ZNF396: variants seen among roughly 807,000 people sequenced by gnomAD.
The protein encoded by ZNF396 is zinc finger and SCAN domain-containing protein 14.
ZNF396 carries 14 observed loss-of-function variants against 20.5 expected under a neutral mutation model. The ratio of observed to expected loss-of-function variants is 0.68; its 90% CI spans 0.45 to 1.07. The LOEUF is 1.07. Among genes scored for constraint, ZNF396 ranks in the 50% least tolerant of loss-of-function variants. ZNF396 has a pLI of 0.00. For missense variants in ZNF396, 347 were observed against 390.1 expected (o/e 0.89, Z 0.93); for synonymous variants, 119 against 140.6 (o/e 0.85, Z 1.08).
intron 1 of ZNF396, among the ~76,000 whole-genome samples, chr18:35,376,546 C>T (rs1281235335): frequency 6.6e-6 from 1 of 152,122 alleles, no homozygotes; most frequent in East Asian, 1.9e-4. Context: ...GTGACCCCTG[C>T]GCGTTGTCTC....
rs150745506 is a variant in ZNF396, at chr18:35,374,079, G to A, written c.214C>T (p.Arg72Trp). 4.9e-5 allele frequency: 79 copies of A among 1,614,210 alleles called. No homozygotes were observed. Among genetic ancestry groups the A allele is most frequent in the African/African-American group, 3.7e-4 (28 of 75,038 alleles). The stretch of plus-strand genomic sequence containing the variant: ...CAGAGATGACAAAGTTCCCAGAGCC[G>A]GCTCAGAGCCTCATGGGGCCCAGGT... The part of the protein sequence containing the change: ...DSPGPHEALS[R>W]LWELCHLWLR... Residue 72 changes from arginine to tryptophan, a missense_variant, in exon 2 of 4, where the codon CGG becomes TGG. Coordinates refer to ENST00000589332, the MANE Select transcript of ZNF396 (RefSeq NM_001322286.2). The surrounding 1 kb of genome is among the most constrained non-coding windows in gnomAD (Gnocchi z 4.3).
rs767170622 is a variant in ZNF396 at position 35,369,572 on chromosome 18, G to A, written c.651C>T (p.Ile217=). The change falls in exon 4 of 4, where the codon ATC becomes ATT. Residue 217 remains isoleucine, a synonymous_variant. Coordinates refer to ENST00000589332, the MANE Select transcript of ZNF396 (RefSeq NM_001322286.2). ...AACTCTGGGAGCCATTCATATGAAG[G>A]ATATTGGAAACATTGCAATGCAGTT... ...GIELHCNVSN[I]LHMNGSQSST... 5.0e-6 allele frequency: 8 copies of A among 1,614,110 alleles called. No homozygotes were observed. The highest frequency in any genetic ancestry group is 6.8e-6 in the Non-Finnish European group (8 of 1,179,962).
rs1372994399 is a variant in ZNF396 at position 35,368,130 on chromosome 18, G to A, written c.*1085C>T. The A allele has an allele frequency of 7.2e-6, 2 of 277,438 alleles. No individual in the cohort carries two copies. The highest frequency in any genetic ancestry group is 1.3e-5 in the Non-Finnish European group (2 of 149,568). The allele number at this position is 277,438 out of a possible 1,614,324, so 17.2% of individuals were successfully genotyped here. A position where few individuals can be genotyped will look rare whatever the true frequency, so the allele number is the denominator to read the frequency against. ...CATCTCCCTTTTTTCTTTATATTAA[G>A]ATGATCATCCATCTTACAGAAGCAC... On this transcript the variant is annotated 3_prime_UTR_variant, in exon 4 of 4. Coordinates refer to ENST00000589332, the MANE Select transcript of ZNF396 (RefSeq NM_001322286.2).
intron 3 of ZNF396, chr18:35,371,702 A>T (rs777065675): frequency 2.0e-5 from 3 of 152,240 alleles, no homozygotes; most frequent in Non-Finnish European, 4.4e-5. Flanking sequence ...TTATGAGGGC[A>T]GGGGTGATAA....
intron 2 of ZNF396, 90 bp downstream of exon 2, chr18:35,373,786 T>G: frequency 6.6e-7 from 1 of 1,526,582 alleles, no homozygotes; most frequent in Non-Finnish European, 8.8e-7. Context: ...TTGTGCTGAG[T>G]GGGAATACAG....
intron 3 of ZNF396, among the ~76,000 whole-genome samples, chr18:35,371,000 G>A (rs1343395879): frequency 6.6e-6 from 1 of 152,206 alleles, no homozygotes; most frequent in African/African-American, 2.4e-5. Context: ...AGGTACTGAT[G>A]ATAAGTGATT....
intron 3 of ZNF396, among the ~76,000 whole-genome samples, chr18:35,370,703 C>T (rs562441099): frequency 7.9e-5 from 12 of 151,042 alleles, no homozygotes; most frequent in Non-Finnish European, 1.6e-4. Context: ...TTAGTAGAGA[C>T]GGGGTTTCAC....
Position 35,369,508 on chromosome 18 carries a change from C to G in ZNF396, c.715G>C (p.Glu239Gln). The change falls in exon 4 of 4, where the codon GAA (glutamate) becomes CAA (glutamine). Residue 239 changes from glutamate (E) to glutamine (Q), a missense_variant. Physicochemically the swap from Glu to Gln is conservative, Grantham distance 29 (BLOSUM62 2). Coordinates refer to ENST00000589332, the MANE Select transcript of ZNF396 (RefSeq NM_001322286.2). The stretch of plus-strand genomic sequence containing the variant: ...CAAGAAGGGTTTCCTTGTCTCTTTT[C>G]AAACCTACCATCTTGTTCATAGGTT... ...RGTYEQDGRF[E>Q]KRQGNPSWKK... 1 of 1,614,088 alleles carries G rather than the reference C, an allele frequency of 6.2e-7. No individual in the cohort carries two copies. Among genetic ancestry groups the G allele is most frequent in the Non-Finnish European group, 8.5e-7 (1 of 1,179,954 alleles).
At chr18:35,373,215 T>A in intron 3 of ZNF396, 1 of 491,842 alleles carries the variant, frequency 2.0e-6, no homozygotes. Flanking sequence ...TAAAAAGGCA[T>A]GAAAACCCTG....
rs1567956742 is a variant in ZNF396, at chr18:35,374,060, T to TG, written c.232dup (p.His78ProfsTer58). 6.2e-7 allele frequency: 1 copy of TG among 1,614,208 alleles called. No homozygotes were observed. Among genetic ancestry groups the TG allele is most frequent in the South Asian group, 1.1e-5 (1 of 91,086 alleles). ...GTGCACTTCCGGCCTCAGCCAGAGA[T>TG]GACAAAGTTCCCAGAGCCGGCTCAG... is the stretch of plus-strand genomic sequence containing the variant. On this transcript the variant is annotated frameshift_variant, in exon 2 of 4. Coordinates refer to ENST00000589332, the MANE Select transcript of ZNF396 (RefSeq NM_001322286.2). LOFTEE classifies it high-confidence loss of function. This position sits in a 1 kb window ranked among gnomAD's most constrained non-coding sequence, Gnocchi z 4.3.
At position 35,373,990 on chromosome 18, in the gene ZNF396, C is replaced by T. The variant is rs1395886013; in HGVS notation, c.303G>A (p.Leu101=). The change falls in exon 2 of 4, where the codon CTG becomes CTA. Residue 101 remains leucine (L), a synonymous_variant. Coordinates refer to ENST00000589332, the MANE Select transcript of ZNF396 (RefSeq NM_001322286.2). ...CCTGAAGCTCTTTTGGGAGGATGGC[C>T]AGGAACTGCTCCAGCACCAGCAGCT... ...ILELLVLEQF[L]AILPKELQAW... 1 of 1,614,240 alleles carries T rather than the reference C, an allele frequency of 6.2e-7. No individual in the cohort carries two copies. The highest frequency in any genetic ancestry group is 1.1e-5 in the South Asian group (1 of 91,088).
At position 35,372,546 on chromosome 18, in the gene ZNF396, A is replaced by C. The variant is rs377116130; in HGVS notation, c.562+910T>G. 5.3e-5 allele frequency: 8 copies of C among 152,260 alleles called. 1 individual carries two copies. 9.4% of individuals were successfully genotyped at this position (152,260 alleles called of 1,614,324 possible). The stretch of plus-strand genomic sequence containing the variant: ...GAACTATGGAAGCAGTGCTGGAGAG[A>C]AGGAAGGAGATGCTCCCAAGTAGGA... On this transcript the variant is annotated intron_variant, in intron 3 of 3. Transcript: ENST00000589332.
Position 35,369,441 on chromosome 18 carries a change from C to A in ZNF396, c.782G>T (p.Ser261Ile), listed in dbSNP as rs1567953899. 1.2e-6 allele frequency: 2 copies of A among 1,614,216 alleles called. No individual in the cohort carries two copies. Among genetic ancestry groups the A allele is most frequent in the Non-Finnish European group, 1.7e-6 (2 of 1,180,038 alleles). The change falls in exon 4 of 4, where the codon AGT becomes ATT. Residue 261 changes from serine to isoleucine, a missense_variant. Ser to Ile is a moderately radical substitution (Grantham distance 142). Coordinates refer to ENST00000589332, the MANE Select transcript of ZNF396 (RefSeq NM_001322286.2). ...QKCDECGKIFSQSSALILHQR... is the reference protein window; with the variant it reads ...QKCDECGKIFIQSSALILHQR... ...ATGTAAAATAAGGGCTGAGCTCTGA[C>A]TAAAGATTTTGCCACATTCATCACA... is the stretch of plus-strand genomic sequence containing the variant.
intron 3 of ZNF396, among the ~76,000 whole-genome samples, chr18:35,370,310 A>G (rs1002067734): frequency 6.6e-5 from 10 of 151,938 alleles, no homozygotes; most frequent in African/African-American, 2.4e-4. Context: ...ATTACATTTA[A>G]CATCCATGAA....
rs757311385 is a variant in ZNF396, at chr18:35,369,665, A to T, written c.563-5T>A. ...TTGTAGTTTTGATGTCTTCATCTGAAATGGAAAAACAAATGTCACCAGGAA... is the reference window on the plus strand; with the variant it reads ...TTGTAGTTTTGATGTCTTCATCTGATATGGAAAAACAAATGTCACCAGGAA... On this transcript the variant is annotated splice_polypyrimidine_tract_variant and splice_region_variant and intron_variant, in intron 3 of 3. Transcript: ENST00000589332. 4 of 1,582,122 alleles carry T rather than the reference A, an allele frequency of 2.5e-6. No homozygotes were observed. Among genetic ancestry groups the T allele is most frequent in the Non-Finnish European group, 3.4e-6 (4 of 1,168,156 alleles).
chr18:35,370,564 G>C (rs1033722709), intron 3 of ZNF396, among the ~76,000 whole-genome samples: 8 of 138,728 alleles, frequency 5.8e-5, no homozygotes, highest in South Asian at 2.3e-4. Flanking sequence ...CCAGGCTGGA[G>C]TGCAGTGGCG....
rs2045214149 is a variant in ZNF396 at position 35,373,556 on chromosome 18, T to TGCTA, written c.458_461dup (p.Pro155SerfsTer7). On this transcript the variant is annotated frameshift_variant, in exon 3 of 4. Coordinates refer to ENST00000589332, the MANE Select transcript of ZNF396 (RefSeq NM_001322286.2). LOFTEE classifies it high-confidence loss of function. Reference sequence around the variant, plus strand: ...GCAATTCCTCAGTGATTTCTGAAGGTGCTAGCTTCTCTGCAATCATGTCCT... The same window carrying TGCTA: ...GCAATTCCTCAGTGATTTCTGAAGGTGCTAGCTAGCTTCTCTGCAATCATGTCCT... The TGCTA allele has an allele frequency of 1.2e-6, 2 of 1,614,002 alleles. No individual in the cohort carries two copies. The highest frequency in any genetic ancestry group is 2.2e-5 in the South Asian group (2 of 91,070).
intron 3 of ZNF396, among the ~76,000 whole-genome samples, chr18:35,370,648 G>T (rs2143897495): frequency 6.7e-6 from 1 of 149,510 alleles, no homozygotes; most frequent in Non-Finnish European, 1.5e-5. Flanking sequence ...AAGTAGCTGG[G>T]ACTACAGGCG....
rs1452937216 is a variant in ZNF396, at chr18:35,374,425, AAAC to A, written c.-72-64_-72-62del. 1 of 825,752 alleles carries A rather than the reference AAAC, an allele frequency of 1.2e-6. No homozygotes were observed. The highest frequency in any genetic ancestry group is 1.9e-6 in the Non-Finnish European group (1 of 538,828). The allele number at this position is 825,752 out of a possible 1,614,324, so 51.2% of individuals were successfully genotyped here. A position where few individuals can be genotyped will look rare whatever the true frequency, so the allele number is the denominator to read the frequency against. On this transcript the variant is annotated intron_variant, in intron 1 of 3. Coordinates refer to ENST00000589332, the MANE Select transcript of ZNF396 (RefSeq NM_001322286.2). The surrounding 1 kb of genome is among the most constrained non-coding windows in gnomAD (Gnocchi z 4.3). ...CAAAAGACAAATGCTTCTTAGAACA[AAAC>A]AACTAAGATTAGAAACATAAGACTG...
Sources: gnomAD v4.1 joint callset for allele counts (sites outside exome capture counted in the v4.1 genomes callset) on GRCh38, gnomAD v4.1.1 for gene constraint, Gnocchi (gnomAD v3.1) non-coding constraint, MANE v1.5 for transcripts, NCBI Gene and HGNC (gene_info 2026-07-23, HGNC 2026-07-21) for gene names.